LMNTD1: variants seen among roughly 807,000 people sequenced by gnomAD.
LMNTD1 encodes lamin tail domain containing 1, also known as lamin tail domain-containing protein 1.
LMNTD1 carries 35 observed loss-of-function variants against 50.9 expected under a neutral mutation model. The ratio of observed to expected loss-of-function variants is 0.69; its 90% CI spans 0.53 to 0.91. The LOEUF (loss-of-function observed/expected upper bound fraction) is 0.91, where lower values mean the gene tolerates loss of function less well. Among genes scored for constraint, LMNTD1 ranks in the 40% least tolerant of loss-of-function variants. LMNTD1 has a pLI of 0.00. For synonymous variants in LMNTD1, 153 were observed against 161.9 expected, an observed-to-expected ratio of 0.94 and a Z score of 0.42; for missense variants, 470 against 475.5, an observed-to-expected ratio of 0.99 and a Z score of 0.11.
intron 8 of LMNTD1, among the ~76,000 whole-genome samples, chr12:25,517,942 G>C (rs556064777): frequency 1.3e-5 from 2 of 152,036 alleles, no homozygotes; most frequent in African/African-American, 2.4e-5. Context: ...CACAGGCAAA[G>C]AGAAATGGAA....
At chr12:25,478,652 G>C (rs7296378) in intron 9 of LMNTD1, among the ~76,000 whole-genome samples, 2,714 of 152,236 alleles carry the variant, frequency 0.018, 90 homozygotes, top group African/African-American at 0.062. Context: ...CGGTGTGTTC[G>C]TGGGTACCGT....
rs78217634 is a variant in LMNTD1 at position 25,520,719 on chromosome 12, G to A, written c.799-644C>T. Among the ~76,000 whole-genome samples the A allele has an allele frequency of 0.016, 2,425 of 152,280 alleles. 143 individuals carry two copies. In the East Asian group the frequency reaches 0.18, roughly 11 times the overall value. On this transcript the variant is annotated intron_variant, in intron 6 of 9. Transcript: ENST00000458174. Reference sequence around the variant, plus strand: ...TTCATCTTTTTTGGGTATGTACCCAGAAGAGGGATTGCTGGGTTGTATGGT... The same window carrying A: ...TTCATCTTTTTTGGGTATGTACCCAAAAGAGGGATTGCTGGGTTGTATGGT...
Position 25,479,593 on chromosome 12 carries a change from G to A in LMNTD1, c.*23-3133C>T, listed in dbSNP as rs549306741. Among the ~76,000 whole-genome samples the A allele has an allele frequency of 1.3e-4, 20 of 152,268 alleles. No homozygotes were observed. The East Asian group carries it at 2.3e-3, about 18-fold the overall frequency. On this transcript the variant is annotated intron_variant, in intron 9 of 9. Coordinates refer to ENST00000458174, the MANE Select transcript of LMNTD1 (RefSeq NM_001145728.2). ...ATTCCATGAGCATGAGCCCACTGCC[G>A]CACTTCTTTAGCCGTAAAGTGAGTG...
intron 6 of LMNTD1, among the ~76,000 whole-genome samples, chr12:25,521,522 T>G (rs773340915): frequency 3.3e-5 from 5 of 152,154 alleles, no homozygotes; most frequent in Non-Finnish European, 7.4e-5. Context: ...TAGTTTCCTG[T>G]TCTGAAAATT....
rs374863411 is a variant in LMNTD1, at chr12:25,528,965, CTA to C, written c.492-2012_492-2011del. Reference sequence around the variant, plus strand: ...ATCACAACCTAGCTTTTGGAAAAGGCTATGTCACTAATTAATCACCTCTTATT... The same window carrying C: ...ATCACAACCTAGCTTTTGGAAAAGGCTGTCACTAATTAATCACCTCTTATT... On this transcript the variant is annotated intron_variant, in intron 4 of 9. Coordinates refer to ENST00000458174, the MANE Select transcript of LMNTD1 (RefSeq NM_001145728.2). 3.1e-4 allele frequency among the ~76,000 whole-genome samples: 47 copies of C among 152,278 alleles called. No individual in the cohort carries two copies. In the East Asian group the frequency reaches 3.9e-3, roughly 13 times the overall value.
chr12:25,549,362 T>C lies in LMNTD1; in HGVS notation c.274A>G (p.Thr92Ala), dbSNP rs1943621152. The C allele has an allele frequency of 1.2e-6, 2 of 1,611,600 alleles. No individual in the cohort carries two copies. The highest frequency in any genetic ancestry group is 1.7e-6 in the Non-Finnish European group (2 of 1,178,548). The stretch of plus-strand genomic sequence containing the variant: ...TCCACTCTGGAACAGCTACCTACAG[T>C]AGCTTTAGAAGTCAATTGTCCAGTT... The part of the protein sequence containing the change: ...STTGQLTSKA[T>A]VGSCSRVENS... The change falls in exon 3 of 10, where the codon ACT becomes GCT. Residue 92 changes from threonine (T) to alanine (A), a missense_variant. By Grantham distance (58) the Thr-to-Ala change is moderately conservative. Coordinates refer to ENST00000458174, the MANE Select transcript of LMNTD1 (RefSeq NM_001145728.2).
intron 9 of LMNTD1, among the ~76,000 whole-genome samples, chr12:25,495,892 G>A (rs1939046399): frequency 6.6e-6 from 1 of 152,126 alleles, no homozygotes. Context: ...CTTTCTAAGA[G>A]CACACTTCAC....
chr12:25,629,937 CATAGTCATAAACAAT>C (rs1432764525), intron 1 of LMNTD1, among the ~76,000 whole-genome samples: 1 of 152,104 alleles, frequency 6.6e-6, no homozygotes, highest in Non-Finnish European at 1.5e-5. Flanking sequence ...TGACCCAGGA[CATAGTCATAAACAAT>C]AAAGTAATTA....
intron 9 of LMNTD1, among the ~76,000 whole-genome samples, chr12:25,496,749 G>C (rs1209701670): frequency 6.6e-6 from 1 of 152,134 alleles, no homozygotes; most frequent in African/African-American, 2.4e-5. Context: ...CCATTTTAGT[G>C]TACAATTCAG....
chr12:25,555,458 A>G (rs1268348599), upstream of LMNTD1, among the ~76,000 whole-genome samples: 2 of 152,196 alleles, frequency 1.3e-5, no homozygotes, highest in Non-Finnish European at 2.9e-5. Flanking sequence ...ACTTTTTGTA[A>G]TTTGTGGATA....
chr12:25,536,143 T>C (rs1445015818), intron 4 of LMNTD1, among the ~76,000 whole-genome samples: 1 of 152,162 alleles, frequency 6.6e-6, no homozygotes, highest in Admixed American at 6.5e-5. Flanking sequence ...TGGTAGATAT[T>C]AATACCCCTC....
intron 9 of LMNTD1, among the ~76,000 whole-genome samples, chr12:25,494,220 G>C (rs1007508891): frequency 2.0e-5 from 3 of 152,184 alleles, no homozygotes; most frequent in Non-Finnish European, 4.4e-5. Flanking sequence ...GTAGAGAAGA[G>C]TTTTATTACT....
intron 4 of LMNTD1, among the ~76,000 whole-genome samples, chr12:25,527,478 C>A (rs974101912): frequency 6.6e-6 from 1 of 150,966 alleles, no homozygotes; most frequent in Non-Finnish European, 1.5e-5. Context: ...CCAGGCTAAT[C>A]ATTTACATAT....
intron 1 of LMNTD1, among the ~76,000 whole-genome samples, chr12:25,601,402 C>T (rs1945970292): frequency 6.6e-6 from 1 of 151,584 alleles, no homozygotes. Context: ...TTTGAAGGCA[C>T]AATGGGGTGA....
chr12:25,610,740 A>G (rs1309871637), intron 1 of LMNTD1, among the ~76,000 whole-genome samples: 2 of 152,180 alleles, frequency 1.3e-5, no homozygotes, highest in African/African-American at 4.8e-5. Flanking sequence ...TCACTAATCC[A>G]GGGTTAAGAA....
At chr12:25,510,994 G>A (rs1409200367) in intron 8 of LMNTD1, among the ~76,000 whole-genome samples, 2 of 152,156 alleles carry the variant, frequency 1.3e-5, no homozygotes, top group African/African-American at 4.8e-5. Context: ...AACTCATTTG[G>A]TGGGGACCAG....
chr12:25,627,393 T>C (rs993163351), intron 1 of LMNTD1, among the ~76,000 whole-genome samples: 1 of 152,224 alleles, frequency 6.6e-6, no homozygotes, highest in African/African-American at 2.4e-5. Context: ...ATGACTTTTT[T>C]CCCCAAAGTA....
chr12:25,538,404 G>A (rs1942778800), intron 4 of LMNTD1, among the ~76,000 whole-genome samples: 1 of 150,726 alleles, frequency 6.6e-6, no homozygotes, highest in Admixed American at 6.6e-5. Flanking sequence ...CTGGAAGAGA[G>A]TGGGGACCAA....
intron 1 of LMNTD1, among the ~76,000 whole-genome samples, chr12:25,600,378 A>G (rs1202607172): frequency 6.6e-6 from 1 of 152,098 alleles, no homozygotes; most frequent in East Asian, 1.9e-4. Context: ...TCTCCAGGAC[A>G]TTGGTCTGGG....
Sources: gnomAD v4.1 joint callset for allele counts (sites outside exome capture counted in the v4.1 genomes callset) on GRCh38, gnomAD v4.1.1 for gene constraint, MANE v1.5 for transcripts, NCBI Gene and HGNC (gene_info 2026-07-23, HGNC 2026-07-21) for gene names.